Variants in RASSF6 observed in about 807,000 individuals in gnomAD.
RASSF6 encodes Ras association domain family member 6.
A neutral mutation model predicts 44.0 loss-of-function variants in RASSF6; 52 were observed. That is an observed-to-expected ratio of 1.18 (90% CI 0.95 to 1.49). The LOEUF is 1.49. Ranked by LOEUF, RASSF6 falls within the 40% of genes most tolerant of loss-of-function variation. RASSF6 has a pLI of 0.00. For synonymous variants in RASSF6, 162 were observed against 124.6 expected (o/e 1.30, Z -2.00); for missense variants, 464 against 393.3 (o/e 1.18, Z -1.52).
intron 8 of RASSF6, among the ~76,000 whole-genome samples, chr4:73,579,216 T>G (rs1318546523): frequency 6.6e-6 from 1 of 152,204 alleles, no homozygotes; most frequent in Non-Finnish European, 1.5e-5. Context: ...ATGAGTAACT[T>G]TGTCTTTAGC....
At chr4:73,612,616 C>T (rs1726103884) in intron 1 of RASSF6, among the ~76,000 whole-genome samples, 1 of 150,788 alleles carries the variant, frequency 6.6e-6, no homozygotes, top group Admixed American at 6.6e-5. Context: ...CTTCAGAGTA[C>T]CAGGAAAAAA....
intron 2 of RASSF6, among the ~76,000 whole-genome samples, chr4:73,608,836 T>C (rs72863086): frequency 0.014 from 2,103 of 152,288 alleles, 34 homozygotes; most frequent in South Asian, 0.046. Flanking sequence ...ATATGAAACC[T>C]GGGCAAACAT....
intron 2 of RASSF6, among the ~76,000 whole-genome samples, chr4:73,599,491 C>T (rs937451311): frequency 2.6e-5 from 4 of 152,208 alleles, no homozygotes; most frequent in Non-Finnish European, 5.9e-5. Flanking sequence ...CCTGGAAACT[C>T]CTCCCTGTGT....
intron 4 of RASSF6, among the ~76,000 whole-genome samples, chr4:73,589,888 A>G (rs540457102): frequency 6.6e-6 from 1 of 152,286 alleles, no homozygotes; most frequent in Non-Finnish European, 1.5e-5. Context: ...CAAATAGAAT[A>G]TGGTCACTTC....
At chr4:73,593,019 ATT>A (rs11287305) in intron 4 of RASSF6, among the ~76,000 whole-genome samples, 15,431 of 133,610 alleles carry the variant, frequency 0.12, 920 homozygotes, top group East Asian at 0.22. Flanking sequence ...AGTTGCTGGG[ATT>A]TTTTTTTTTT....
chr4:73,582,867 G>C (rs1337381452), intron 6 of RASSF6, among the ~76,000 whole-genome samples: 1 of 151,930 alleles, frequency 6.6e-6, no homozygotes, highest in East Asian at 1.9e-4. Flanking sequence ...CACGGCATTT[G>C]TGTGAGTAAA....
chr4:73,587,927 G>T lies in RASSF6; in HGVS notation c.295C>A (p.Arg99Ser), dbSNP rs756955118. 6.2e-7 allele frequency: 1 copy of T among 1,602,172 alleles called. No homozygotes were observed. The highest frequency in any genetic ancestry group is 8.5e-7 in the Non-Finnish European group (1 of 1,170,768). The change falls in exon 5 of 11, where the codon CGC (arginine) becomes AGC (serine). Residue 99 changes from arginine to serine, a missense_variant. Arg to Ser is a moderately radical substitution (Grantham distance 110). Coordinates refer to ENST00000307439, the MANE Select transcript of RASSF6 (RefSeq NM_177532.5). ...TAGAGATCGTCAAATTCCCCCCAGC[G>T]TGTCATTCTGAGAAGTAATAAATCT... is the stretch of plus-strand genomic sequence containing the variant. Reference protein sequence around the residue: ...SDVFSSKGMTRWGEFDDLYRI... With the variant: ...SDVFSSKGMTSWGEFDDLYRI...
In RASSF6 at chr4:73,611,825, A is replaced by C. The variant is rs879379475; in HGVS notation, c.-30T>G. 4 of 1,590,884 alleles carry C rather than the reference A, an allele frequency of 2.5e-6. No homozygotes were observed. The highest frequency in any genetic ancestry group is 1.7e-5 in the Admixed American group (1 of 59,914). ...TCCTCCTTTTTGAGATGGTCTGAGG[A>C]TATCCTAAACATGAGAATAATATTA... On this transcript the variant is annotated 5_prime_UTR_variant, in exon 2 of 11. Transcript: ENST00000307439.
intron 2 of RASSF6, among the ~76,000 whole-genome samples, chr4:73,606,861 T>C (rs986491483): frequency 6.6e-6 from 1 of 152,178 alleles, no homozygotes; most frequent in Admixed American, 6.5e-5. Flanking sequence ...AAGTCTTTCA[T>C]TTATTGTAGC....
intron 7 of RASSF6, 152 bp from the exon 8 acceptor site, chr4:73,582,020 T>C: frequency 1.4e-6 from 1 of 697,046 alleles, no homozygotes; most frequent in South Asian, 2.2e-5. Flanking sequence ...TATATAATTT[T>C]TCAAGGGATA....
intron 5 of RASSF6, among the ~76,000 whole-genome samples, chr4:73,586,417 C>A (rs1315451542): frequency 6.6e-6 from 1 of 151,886 alleles, no homozygotes; most frequent in African/African-American, 2.4e-5. Context: ...ATTGAGTAGG[C>A]AGAAGGTGTT....
At chr4:73,592,677 C>T (rs189545563) in intron 4 of RASSF6, among the ~76,000 whole-genome samples, 2 of 152,282 alleles carry the variant, frequency 1.3e-5, no homozygotes, top group East Asian at 1.9e-4. Flanking sequence ...CTCTGTTGAA[C>T]AGGATTGGGA....
rs1723240799 is a variant in RASSF6, at chr4:73,576,560, G to A, written c.840+53C>T. 2.6e-5 allele frequency: 41 copies of A among 1,556,700 alleles called. 1 individual carries two copies. In the South Asian group the frequency reaches 4.5e-4, roughly 17 times the overall value. On this transcript the variant is annotated intron_variant, in intron 9 of 10. Transcript: ENST00000307439. Reference sequence around the variant, plus strand: ...AGAAAGCAGAACAATTATGCAAGAGGTGCTGAGTCAGGAGGGAAGCAAAAA... The same window carrying A: ...AGAAAGCAGAACAATTATGCAAGAGATGCTGAGTCAGGAGGGAAGCAAAAA...
intron 2 of RASSF6, among the ~76,000 whole-genome samples, chr4:73,604,827 G>A (rs1290991423): frequency 6.6e-6 from 1 of 151,230 alleles, no homozygotes; most frequent in East Asian, 1.9e-4. Flanking sequence ...GGGAATTAAG[G>A]TTGTGATTTT....
At chr4:73,601,654 G>A (rs990954294) in intron 2 of RASSF6, among the ~76,000 whole-genome samples, 12 of 152,348 alleles carry the variant, frequency 7.9e-5, no homozygotes, top group Admixed American at 7.2e-4. Flanking sequence ...ACAAATTATA[G>A]CAATGGTGAA....
chr4:73,594,752 T>C (rs1724816570), intron 3 of RASSF6, among the ~76,000 whole-genome samples: 2 of 152,242 alleles, frequency 1.3e-5, no homozygotes, highest in South Asian at 4.1e-4. Context: ...AATTTATTCC[T>C]TGAAATGACT....
Position 73,587,849 on chromosome 4 carries a change from A to C in RASSF6, c.373T>G (p.Ser125Ala), listed in dbSNP as rs1202190562. Residue 125 changes from serine to alanine, a missense_variant, in exon 5 of 11, where the codon TCC (serine) becomes GCC (alanine). By Grantham distance (99) the Ser-to-Ala change is moderately conservative. Coordinates refer to ENST00000307439, the MANE Select transcript of RASSF6 (RefSeq NM_177532.5). ...TQIPMSEKRN[S>A]QEDYLSYHSN... ...AGATTTTGATACTGACCTTCCTGGG[A>C]ATTCCTTTTTTCAGACATAGGAATC... 6.2e-7 allele frequency: 1 copy of C among 1,604,170 alleles called. No homozygotes were observed. Among genetic ancestry groups the C allele is most frequent in the Non-Finnish European group, 8.5e-7 (1 of 1,172,218 alleles).
At chr4:73,598,552 C>A (rs1218021672) in intron 3 of RASSF6, 88 bp downstream of exon 3, 2 of 648,142 alleles carry the variant, frequency 3.1e-6, no homozygotes, top group African/African-American at 2.1e-5. Context: ...TAAACTTTCA[C>A]CTGTTTCTTC....
intron 8 of RASSF6, among the ~76,000 whole-genome samples, chr4:73,578,004 C>G (rs894650693): frequency 8.0e-3 from 54 of 6,746 alleles, no homozygotes; most frequent in African/African-American, 0.025. Context: ...GATTACTGCC[C>G]AAACAGGAGC....
Sources: allele counts gnomAD v4.1 joint callset (sites outside exome capture counted in the v4.1 genomes callset), GRCh38; gene constraint gnomAD v4.1.1; transcripts MANE v1.5; gene names NCBI Gene and HGNC (gene_info 2026-07-23, HGNC 2026-07-21).